Variants in MPP4 observed in about 807,000 individuals in gnomAD.
MPP4 encodes the protein MAGUK p55 scaffold protein 4.
A neutral mutation model predicts 98.3 loss-of-function variants in MPP4; 91 were observed. The ratio of observed to expected loss-of-function variants is 0.93; its 90% CI spans 0.78 to 1.10. The LOEUF (loss-of-function observed/expected upper bound fraction) is 1.10. Ranked by LOEUF, MPP4 falls within the 50% of genes least tolerant of loss-of-function variation. The probability of loss-of-function intolerance (pLI) is 0.00; values close to 1 mark genes in which losing one functional copy is unlikely to be tolerated. For missense variants in MPP4, 744 were observed against 792.9 expected, an observed-to-expected ratio of 0.94 and a Z score of 0.74; for synonymous variants, 261 against 271.8, an observed-to-expected ratio of 0.96 and a Z score of 0.39.
chr2:201,659,432 T>C (rs774693691), intron 15 of MPP4, among the ~76,000 whole-genome samples: 7 of 152,176 alleles, frequency 4.6e-5, no homozygotes, highest in Non-Finnish European at 1.0e-4. Flanking sequence ...TCTCCTTTCA[T>C]TGAGATCTCA....
intron 5 of MPP4, among the ~76,000 whole-genome samples, chr2:201,686,522 T>G (rs1418550650): frequency 6.6e-6 from 1 of 152,228 alleles, no homozygotes; most frequent in Non-Finnish European, 1.5e-5. Flanking sequence ...GTTCATATGA[T>G]CAAGCTCTTT....
intron 13 of MPP4, chr2:201,664,417 A>C: frequency 3.2e-6 from 4 of 1,237,322 alleles, no homozygotes; most frequent in South Asian, 1.3e-5. Flanking sequence ...GTGGAATGTC[A>C]GGGAAATCCC....
rs571021126 is a variant in MPP4, at chr2:201,663,069, C to T, written c.1072+1012G>A. On this transcript the variant is annotated intron_variant, in intron 14 of 21. Transcript: ENST00000409474. ...TTATTTACTAGCAATATCGAATAAACAGGATACGTGGAATAAATCATTCAA... is the reference window on the plus strand; with the variant it reads ...TTATTTACTAGCAATATCGAATAAATAGGATACGTGGAATAAATCATTCAA... 5.3e-5 allele frequency among the ~76,000 whole-genome samples: 8 copies of T among 152,270 alleles called. No homozygotes were observed. In the South Asian group the frequency reaches 1.7e-3, roughly 32 times the overall value.
chr2:201,698,042 C>G, intron 1 of MPP4: 1 of 985,664 alleles, frequency 1.0e-6, no homozygotes, highest in Non-Finnish European at 1.2e-6. Context: ...GCACCCACCA[C>G]ATGCAATTCC....
At chr2:201,661,007 G>T (rs1688010957) in intron 14 of MPP4, among the ~76,000 whole-genome samples, 2 of 152,134 alleles carry the variant, frequency 1.3e-5, no homozygotes, top group South Asian at 4.1e-4. Context: ...TGCAATCTCT[G>T]TCTCCCAAGT....
chr2:201,646,764 T>G (rs1473193622), intron 21 of MPP4: 1 of 152,212 alleles, frequency 6.6e-6, no homozygotes, highest in East Asian at 1.9e-4. Flanking sequence ...ATGCAGAGAT[T>G]AGCATGGCCC....
intron 7 of MPP4, 48 bp downstream of exon 7, chr2:201,685,016 G>A (rs2105942588): frequency 2.0e-6 from 3 of 1,481,694 alleles, no homozygotes; most frequent in African/African-American, 1.4e-5. Context: ...AACAGTCAAG[G>A]GTTTCCTGTT....
rs554612356 is a variant in MPP4, at chr2:201,697,012, C to A, written c.-101+1575G>T. ...TTGTTGATGGCATTTGAAGATGGGG[C>A]CTTTGGGAGGTAACTGGGTTAAGGT... On this transcript the variant is annotated intron_variant, in intron 1 of 21. Coordinates refer to ENST00000409474, the MANE Select transcript of MPP4 (RefSeq NM_033066.3). Among the ~76,000 whole-genome samples the A allele has an allele frequency of 7.9e-5, 12 of 152,186 alleles. No individual in the cohort carries two copies. In the East Asian group the frequency reaches 2.3e-3, roughly 29 times the overall value.
intron 21 of MPP4, 102 bp from the exon 22 acceptor site, chr2:201,645,506 A>T: frequency 9.9e-7 from 1 of 1,010,094 alleles, no homozygotes; most frequent in East Asian, 2.8e-5. Flanking sequence ...AACTATGTAT[A>T]AAAACAGTAA....
At chr2:201,693,387 T>C (rs1689094298) in intron 2 of MPP4, among the ~76,000 whole-genome samples, 1 of 152,182 alleles carries the variant, frequency 6.6e-6, no homozygotes, top group African/African-American at 2.4e-5. Context: ...TATCCCAAAA[T>C]TATCTACTTG....
intron 1 of MPP4, among the ~76,000 whole-genome samples, chr2:201,694,608 CTT>C (rs777556505): frequency 2.7e-4 from 21 of 78,892 alleles, no homozygotes; most frequent in South Asian, 5.6e-4. Context: ...TTCTTTTTCC[CTT>C]TTTTTTTTTT....
chr2:201,682,322 C>T (rs770043494), intron 8 of MPP4, among the ~76,000 whole-genome samples: 2 of 152,206 alleles, frequency 1.3e-5, no homozygotes, highest in Non-Finnish European at 2.9e-5. Flanking sequence ...CACCACTCCT[C>T]GCCTCAGTCT....
rs1461831301 is a variant in MPP4, at chr2:201,666,363, A to C, written c.1022T>G (p.Met341Arg). 6.4e-7 allele frequency: 1 copy of C among 1,555,184 alleles called. No homozygotes were observed. Among genetic ancestry groups the C allele is most frequent in the Admixed American group, 2.0e-5 (1 of 50,496 alleles). The change falls in exon 13 of 22, where the codon ATG (methionine) becomes AGG (arginine). Residue 341 changes from methionine (M) to arginine (R), a missense_variant. Met to Arg is a moderately conservative substitution (Grantham distance 91). Coordinates refer to ENST00000409474, the MANE Select transcript of MPP4 (RefSeq NM_033066.3). ...TTCCACACATTTCTCATCAATCTTC[A>C]TGTCATCTTCTATAAAAGAGTATAG... ...LSISMEEEDD[M>R]KIDEKCVEAD...
In MPP4 at chr2:201,675,116, C is replaced by CA. The variant is rs553744660; in HGVS notation, c.994+90dup. The CA allele has an allele frequency of 9.8e-4, 1,313 of 1,345,936 alleles. 6 individuals carry two copies. Among genetic ancestry groups the CA allele is most frequent in the Middle Eastern group, 2.7e-3 (15 of 5,468 alleles). 83.4% of individuals were successfully genotyped at this position (1,345,936 alleles called of 1,614,324 possible). The stretch of plus-strand genomic sequence containing the variant: ...AACTCCATCTCCCATGTGGCATGGC[C>CA]AGCCTCACATCAATTAGACTCTTTA... On this transcript the variant is annotated intron_variant, in intron 11 of 21. Transcript: ENST00000409474.
chr2:201,649,528 G>T, intron 20 of MPP4, 48 bp downstream of exon 20: 2 of 1,355,594 alleles, frequency 1.5e-6, no homozygotes, highest in Non-Finnish European at 2.1e-6. Flanking sequence ...AAAAATGGAT[G>T]ATACGCATTC....
intron 9 of MPP4, 70 bp from the exon 10 acceptor site, chr2:201,681,104 G>A: frequency 6.8e-7 from 1 of 1,475,750 alleles, no homozygotes; most frequent in Non-Finnish European, 9.2e-7. Context: ...CCTTGCCCAT[G>A]GGCCATCATG....
chr2:201,669,356 A>G (rs1688274164), intron 12 of MPP4, among the ~76,000 whole-genome samples: 1 of 152,174 alleles, frequency 6.6e-6, no homozygotes, highest in Admixed American at 6.5e-5. Context: ...TTTTCACTAT[A>G]GTTTTATTGT....
At chr2:201,685,666 CA>C (rs1330483712) in intron 6 of MPP4, among the ~76,000 whole-genome samples, 1 of 152,150 alleles carries the variant, frequency 6.6e-6, no homozygotes, top group African/African-American at 2.4e-5. Context: ...TTATTTCTCA[CA>C]AAAATGTCTT....
chr2:201,679,656 A>G (rs58170869), intron 10 of MPP4, among the ~76,000 whole-genome samples: 4,482 of 152,250 alleles, frequency 0.029, 201 homozygotes, highest in African/African-American at 0.1. Flanking sequence ...CAAAGACATC[A>G]ACAACAGCAA....
Sources: gnomAD v4.1 joint callset for allele counts (sites outside exome capture counted in the v4.1 genomes callset) on GRCh38, gnomAD v4.1.1 for gene constraint, MANE v1.5 for transcripts, NCBI Gene and HGNC (gene_info 2026-07-23, HGNC 2026-07-21) for gene names.